The following EIPR1 variants were observed in gnomAD, a reference collection of about 807,000 sequenced individuals.
The protein encoded by EIPR1 is EARP and GARP complex-interacting protein 1.
A neutral mutation model predicts 48.1 loss-of-function variants in EIPR1; 25 were observed. The ratio of observed to expected loss-of-function variants is 0.52; its 90% CI spans 0.38 to 0.73. The LOEUF (loss-of-function observed/expected upper bound fraction) is 0.73, where lower values mean the gene tolerates loss of function less well. EIPR1 is among the 30% of genes least tolerant of loss of function. The pLI, the probability that EIPR1 is intolerant of heterozygous loss-of-function variation, is 0.00. For missense variants in EIPR1, 415 were observed against 506.2 expected (o/e 0.82, Z 1.73); for synonymous variants, 204 against 201.9 (o/e 1.01, Z -0.09).
chr2:3,339,755 C>A (rs1203655149), intron 2 of EIPR1, among the ~76,000 whole-genome samples: 1 of 152,184 alleles, frequency 6.6e-6, no homozygotes, highest in Non-Finnish European at 1.5e-5. Context: ...TTGAGACCAG[C>A]CTGACCACCA....
At chr2:3,288,046 C>T (rs1668260355) in intron 3 of EIPR1, among the ~76,000 whole-genome samples, 1 of 152,236 alleles carries the variant, frequency 6.6e-6, no homozygotes, top group Non-Finnish European at 1.5e-5. Context: ...TGGCCCGAGT[C>T]TGCTGTAGGT....
chr2:3,343,073 G>A (rs919007679), intron 2 of EIPR1, among the ~76,000 whole-genome samples: 3 of 152,162 alleles, frequency 2.0e-5, no homozygotes, highest in Admixed American at 6.5e-5. Context: ...TGAAAAGATC[G>A]AGGCTTGAAG....
At chr2:3,323,992 C>T (rs1334272466) in intron 3 of EIPR1, among the ~76,000 whole-genome samples, 1 of 152,192 alleles carries the variant, frequency 6.6e-6, no homozygotes, top group Non-Finnish European at 1.5e-5. Context: ...TGTAGGAAAA[C>T]TGAATTCACA....
intron 3 of EIPR1, among the ~76,000 whole-genome samples, chr2:3,307,727 G>A (rs1668991600): frequency 6.6e-6 from 1 of 152,218 alleles, no homozygotes; most frequent in Non-Finnish European, 1.5e-5. Flanking sequence ...AGAAGCTGGT[G>A]AATGGTATAA....
chr2:3,367,039 T>C (rs955116173), intron 1 of EIPR1, among the ~76,000 whole-genome samples: 11 of 150,848 alleles, frequency 7.3e-5, no homozygotes, highest in African/African-American at 2.4e-4. Flanking sequence ...AGCGAGACTC[T>C]GTCCCAAAAA....
At chr2:3,291,308 C>T (rs899865485) in intron 3 of EIPR1, among the ~76,000 whole-genome samples, 33 of 152,136 alleles carry the variant, frequency 2.2e-4, no homozygotes, top group African/African-American at 7.7e-4. Context: ...GCCGTGTACC[C>T]GAATCCACGT....
intron 3 of EIPR1, among the ~76,000 whole-genome samples, chr2:3,291,879 T>A (rs925422997): frequency 6.6e-6 from 1 of 152,246 alleles, no homozygotes; most frequent in Non-Finnish European, 1.5e-5. Context: ...CGCATGACCA[T>A]GGCAATGTCA....
At chr2:3,193,442 CGTTTT>C (rs1664682322) in intron 7 of EIPR1, among the ~76,000 whole-genome samples, 1 of 152,214 alleles carries the variant, frequency 6.6e-6, no homozygotes, top group Non-Finnish European at 1.5e-5. Flanking sequence ...TGTGCACACA[CGTTTT>C]ATTTGCATAA....
At chr2:3,369,944 C>T (rs1671070516) in intron 1 of EIPR1, among the ~76,000 whole-genome samples, 1 of 151,970 alleles carries the variant, frequency 6.6e-6, no homozygotes, top group Admixed American at 6.6e-5. Context: ...TCAAGTGGGT[C>T]CTTGACCCCT....
intron 5 of EIPR1, among the ~76,000 whole-genome samples, chr2:3,210,778 G>A (rs1199989599): frequency 2.6e-5 from 4 of 152,078 alleles, no homozygotes; most frequent in Non-Finnish European, 4.4e-5. Flanking sequence ...TTACAGGCAC[G>A]TGCCACCACG....
chr2:3,339,653 A>C (rs1293442856), intron 2 of EIPR1, among the ~76,000 whole-genome samples: 1 of 152,206 alleles, frequency 6.6e-6, no homozygotes, highest in East Asian at 1.9e-4. Context: ...GGTCATTTAA[A>C]AGTGAGTGGC....
intron 3 of EIPR1, among the ~76,000 whole-genome samples, chr2:3,268,187 G>T (rs1036447341): frequency 6.6e-6 from 1 of 152,058 alleles, no homozygotes; most frequent in Non-Finnish European, 1.5e-5. Flanking sequence ...GCACCCCAAG[G>T]CTTCCTGCCC....
intron 3 of EIPR1, among the ~76,000 whole-genome samples, chr2:3,326,202 AT>A (rs1669694268): frequency 6.6e-6 from 1 of 152,158 alleles, no homozygotes; most frequent in African/African-American, 2.4e-5. Context: ...GGGTACATAG[AT>A]CCAACTCTGA....
Position 3,192,472 on chromosome 2 carries a change from C to T in EIPR1, c.931G>A (p.Gly311Ser), listed in dbSNP as rs781124556. The part of the protein sequence containing the change: ...NMVSISSEPF[G>S]HLVDDDDISD... Reference sequence around the variant, plus strand: ...ATGTCATCGTCGTCTACCAAGTGGCCGAAGGGCTCCGACGAGATGGACACC... The same window carrying T: ...ATGTCATCGTCGTCTACCAAGTGGCTGAAGGGCTCCGACGAGATGGACACC... Residue 311 changes from glycine to serine, a missense_variant, in exon 8 of 9, where the codon GGC becomes AGC. By Grantham distance (56) the Gly-to-Ser change is moderately conservative. Transcript: ENST00000382125. 1.9e-5 allele frequency: 31 copies of T among 1,612,792 alleles called. No individual in the cohort carries two copies. Among genetic ancestry groups the T allele is most frequent in the East Asian group, 2.2e-5 (1 of 44,870 alleles).
chr2:3,343,863 T>A (rs979847547), intron 2 of EIPR1, among the ~76,000 whole-genome samples: 4 of 151,948 alleles, frequency 2.6e-5, no homozygotes, highest in African/African-American at 9.7e-5. Flanking sequence ...GTCCATTTCA[T>A]CTGCGCTTCT....
At chr2:3,343,714 C>G (rs7559860) in intron 2 of EIPR1, among the ~76,000 whole-genome samples, 59,688 of 152,054 alleles carry the variant, frequency 0.39, 12,694 homozygotes, top group East Asian at 0.75. Context: ...TCCTTTTCTG[C>G]AAGAATCGGG....
chr2:3,216,233 C>A (rs987917321), intron 4 of EIPR1, among the ~76,000 whole-genome samples: 3 of 152,162 alleles, frequency 2.0e-5, no homozygotes, highest in African/African-American at 4.8e-5. Context: ...GCACTTACCC[C>A]ATGCGGGACA....
intron 5 of EIPR1, among the ~76,000 whole-genome samples, chr2:3,212,663 C>G (rs1336085366): frequency 1.3e-5 from 2 of 152,212 alleles, no homozygotes; most frequent in African/African-American, 4.8e-5. Flanking sequence ...TGCCAAATCT[C>G]CCGGAAGGTG....
intron 3 of EIPR1, among the ~76,000 whole-genome samples, chr2:3,295,146 C>A (rs1486246783): frequency 7.1e-6 from 1 of 141,010 alleles, no homozygotes; most frequent in Non-Finnish European, 1.5e-5. Flanking sequence ...AACCTCCATC[C>A]GGCATGTCCT....
Sources: gnomAD v4.1 joint callset for allele counts (sites outside exome capture counted in the v4.1 genomes callset) on GRCh38, gnomAD v4.1.1 for gene constraint, MANE v1.5 for transcripts, NCBI Gene and HGNC (gene_info 2026-07-23, HGNC 2026-07-21) for gene names.